The following IL1RAPL2 variants were observed in gnomAD, a reference collection of about 807,000 sequenced individuals.
IL1RAPL2 encodes the protein interleukin 1 receptor accessory protein like 2.
IL1RAPL2 carries 3 observed loss-of-function variants against 44.1 expected under a neutral mutation model. The observed-to-expected ratio is 0.07, with a 90% CI of 0.03 to 0.18. The LOEUF (loss-of-function observed/expected upper bound fraction) is 0.18. IL1RAPL2 is among the 10% of genes least tolerant of loss of function. IL1RAPL2 has a pLI of 1.00. For missense variants in IL1RAPL2, 391 were observed against 496.4 expected (o/e 0.79, Z 2.02); for synonymous variants, 181 against 178.8 (o/e 1.01, Z -0.10).
At chrX:104,902,847 A>C (rs1923859395) in intron 2 of IL1RAPL2, among the ~76,000 whole-genome samples, 1 of 111,795 alleles carries the variant, frequency 8.9e-6, no homozygotes, top group Admixed American at 9.6e-5. Flanking sequence ...GAAAGGCATT[A>C]GGCATGTAAA....
At chrX:105,600,400 A>G (rs918557913) in intron 6 of IL1RAPL2, among the ~76,000 whole-genome samples, 5 of 110,146 alleles carry the variant, frequency 4.5e-5, no homozygotes, top group Non-Finnish European at 7.6e-5. Context: ...GGCCATTCCA[A>G]TTGATGGTCC....
In IL1RAPL2 at chrX:104,941,382, A is replaced by G. The variant is rs773348213; in HGVS notation, c.83-254093A>G. ...AGCACCTGTTTTTTCCTGACTTTTT[A>G]ATGATCGCCATTCTAACTGATGTGA... On this transcript the variant is annotated intron_variant, in intron 2 of 10. Coordinates refer to ENST00000372582, the MANE Select transcript of IL1RAPL2 (RefSeq NM_017416.2). 1.5e-3 allele frequency among the ~76,000 whole-genome samples: 169 copies of G among 111,187 alleles called. 2 individuals are homozygous for G. Among genetic ancestry groups the G allele is most frequent in the African/African-American group, 5.3e-3 (163 of 30,571 alleles).
At chrX:104,832,769 T>C (rs1011179618) in intron 2 of IL1RAPL2, among the ~76,000 whole-genome samples, 1 of 111,512 alleles carries the variant, frequency 9.0e-6, no homozygotes, top group Non-Finnish European at 1.9e-5. Flanking sequence ...CAATGCATTT[T>C]CTTATTACCT....
At chrX:105,553,567 G>A (rs985974925) in intron 6 of IL1RAPL2, among the ~76,000 whole-genome samples, 1 of 111,582 alleles carries the variant, frequency 9.0e-6, no homozygotes, top group Admixed American at 9.5e-5. Flanking sequence ...AATAGCAAAC[G>A]TAGACAACAT....
At chrX:104,954,035 C>CA (rs1252715966) in intron 2 of IL1RAPL2, among the ~76,000 whole-genome samples, 1 of 111,755 alleles carries the variant, frequency 8.9e-6, no homozygotes, top group Non-Finnish European at 1.9e-5. Flanking sequence ...ATGCTGAAGA[C>CA]AGATTGAAGG....
intron 2 of IL1RAPL2, among the ~76,000 whole-genome samples, chrX:104,895,469 C>T (rs1381601635): frequency 2.7e-5 from 3 of 112,773 alleles, no homozygotes; most frequent in Non-Finnish European, 3.8e-5. Flanking sequence ...TTTACCTACT[C>T]AAGCCTCAGC....
intron 2 of IL1RAPL2, among the ~76,000 whole-genome samples, chrX:104,855,680 C>CTTTTTTTTTTTTTT (rs1304044009): frequency 5.6e-5 from 3 of 53,778 alleles, no homozygotes; most frequent in African/African-American, 1.9e-4. Context: ...GATCTGGATC[C>CTTTTTTTTTTTTTT]GTTTTTTTTT....
At chrX:105,270,114 G>C (rs969916541) in intron 5 of IL1RAPL2, among the ~76,000 whole-genome samples, 2 of 111,573 alleles carry the variant, frequency 1.8e-5, no homozygotes, top group Non-Finnish European at 3.8e-5. Context: ...CAGATCCTCA[G>C]ATTTCTCCCT....
intron 2 of IL1RAPL2, among the ~76,000 whole-genome samples, chrX:105,023,593 C>A (rs1602896552): frequency 1.8e-5 from 2 of 111,061 alleles, no homozygotes; most frequent in Admixed American, 9.6e-5. Context: ...GAAGAGTGTG[C>A]CAAGAGCTTG....
rs190822909 is a variant in IL1RAPL2, at chrX:105,470,314, A to T, written c.698-13999A>T. ...CATTTTGAAGTTGAGGAACCTAAGC[A>T]ATAGAAAAGTTAGAAAAGGTAACAG... On this transcript the variant is annotated intron_variant, in intron 5 of 10. Coordinates refer to ENST00000372582, the MANE Select transcript of IL1RAPL2 (RefSeq NM_017416.2). 1.5e-4 allele frequency among the ~76,000 whole-genome samples: 17 copies of T among 112,136 alleles called. 1 individual carries two copies. The highest frequency in any genetic ancestry group is 5.5e-4 in the African/African-American group (17 of 30,980).
At chrX:104,943,026 G>C (rs1925232658) in intron 2 of IL1RAPL2, among the ~76,000 whole-genome samples, 1 of 111,557 alleles carries the variant, frequency 9.0e-6, no homozygotes, top group Middle Eastern at 4.3e-3. Flanking sequence ...AACCAGCCTT[G>C]CATCCCAGGG....
At chrX:104,910,290 G>A (rs931626556) in intron 2 of IL1RAPL2, among the ~76,000 whole-genome samples, 1 of 112,099 alleles carries the variant, frequency 8.9e-6, no homozygotes, top group Non-Finnish European at 1.9e-5. Context: ...TGCCTAGGAT[G>A]GAAATGCAGA....
chrX:104,777,893 TG>T (rs1288285705), intron 2 of IL1RAPL2, among the ~76,000 whole-genome samples: 7 of 111,440 alleles, frequency 6.3e-5, no homozygotes, highest in African/African-American at 2.3e-4. Flanking sequence ...GAAGTGGAGT[TG>T]CTGCATCATA....
intron 5 of IL1RAPL2, among the ~76,000 whole-genome samples, chrX:105,334,910 G>A (rs1190426379): frequency 1.8e-5 from 2 of 110,632 alleles, no homozygotes; most frequent in African/African-American, 6.6e-5. Flanking sequence ...TAGTTATTTG[G>A]AAGAAATAAA....
intron 6 of IL1RAPL2, among the ~76,000 whole-genome samples, chrX:105,556,181 G>C (rs1282535357): frequency 8.9e-6 from 1 of 111,769 alleles, no homozygotes; most frequent in Non-Finnish European, 1.9e-5. Flanking sequence ...GTCATAGGGG[G>C]ACAGTACGAG....
At chrX:104,876,724 A>G (rs1366334185) in intron 2 of IL1RAPL2, among the ~76,000 whole-genome samples, 2 of 66,696 alleles carry the variant, frequency 3.0e-5, no homozygotes, top group African/African-American at 1.2e-4. Flanking sequence ...TTCTTTTATT[A>G]TTATTATTAT....
chrX:105,687,225 G>C lies in IL1RAPL2; in HGVS notation c.773-30142G>C, dbSNP rs2037987274. ...AGAAGGCAAGAAATAACTAAGATCA[G>C]AGCAGAAATGAAAGAGATAGAGACA... On this transcript the variant is annotated intron_variant, in intron 6 of 10. Coordinates refer to ENST00000372582, the MANE Select transcript of IL1RAPL2 (RefSeq NM_017416.2). Among the ~76,000 whole-genome samples, 3 of 107,865 alleles carry C rather than the reference G, an allele frequency of 2.8e-5. 1 individual carries two copies. The South Asian group carries it at 1.2e-3, about 43-fold the overall frequency. The allele number at this position is 107,865 out of a possible 115,157, so 93.7% of individuals were successfully genotyped here.
chrX:105,729,739 A>G (rs1221965749), intron 7 of IL1RAPL2, among the ~76,000 whole-genome samples: 3 of 110,077 alleles, frequency 2.7e-5, no homozygotes, highest in Non-Finnish European at 5.7e-5. Flanking sequence ...CATGGACTAC[A>G]TTTTTGTCGT....
intron 5 of IL1RAPL2, among the ~76,000 whole-genome samples, chrX:105,417,956 T>G (rs908028761): frequency 8.9e-6 from 1 of 111,998 alleles, no homozygotes; most frequent in African/African-American, 3.2e-5. Flanking sequence ...TTTATCAAGG[T>G]ACAACTCTTA....
Sources: allele counts gnomAD v4.1 joint callset (sites outside exome capture counted in the v4.1 genomes callset), GRCh38; gene constraint gnomAD v4.1.1; transcripts MANE v1.5; gene names NCBI Gene and HGNC (gene_info 2026-07-23, HGNC 2026-07-21).